Variants in TRIO observed in about 807,000 individuals in gnomAD.
TRIO encodes trio Rho guanine nucleotide exchange factor, also known as triple functional domain protein.
TRIO carries 58 observed loss-of-function variants against 351.9 expected under a neutral mutation model. The observed-to-expected ratio is 0.16, with a 90% confidence interval of 0.13 to 0.21. TRIO has a LOEUF of 0.21. Ranked by LOEUF, TRIO falls within the 10% of genes least tolerant of loss-of-function variation. TRIO has a pLI of 1.00. For missense variants in TRIO, 3,201 were observed against 4,027.8 expected (o/e 0.79, Z 5.56); for synonymous variants, 1,758 against 1,595.7 (o/e 1.10, Z -2.42).
intron 1 of TRIO, among the ~76,000 whole-genome samples, chr5:14,270,498 A>G (rs565439901): frequency 1.3e-5 from 2 of 152,366 alleles, no homozygotes; most frequent in South Asian, 2.1e-4. Context: ...ACATTAATCT[A>G]CATAAAAATT....
chr5:14,484,596 A>C (rs922143237), intron 46 of TRIO, among the ~76,000 whole-genome samples: 2 of 152,196 alleles, frequency 1.3e-5, no homozygotes, highest in Non-Finnish European at 1.5e-5. Context: ...AATGTGCTTT[A>C]ATTTTTTGTT....
At chr5:14,507,859 C>T in intron 56 of TRIO, 21 bp from the exon 57 acceptor site, 3 of 1,601,652 alleles carry the variant, frequency 1.9e-6, no homozygotes, top group Non-Finnish European at 1.7e-6. Flanking sequence ...CTGAAAATGA[C>T]AGTTGTATTC....
chr5:14,291,729 C>A (rs531710305), intron 5 of TRIO, among the ~76,000 whole-genome samples: 142 of 139,392 alleles, frequency 1.0e-3, no homozygotes, highest in African/African-American at 3.9e-3. Flanking sequence ...GCAGAGGTTG[C>A]AGTGAGCCAA....
chr5:14,339,439 T>G (rs1356188587), intron 11 of TRIO, among the ~76,000 whole-genome samples: 10 of 152,222 alleles, frequency 6.6e-5, no homozygotes, highest in Admixed American at 6.5e-4. Flanking sequence ...ATTTCTAGTA[T>G]GTATGAGTTT....
Position 14,193,796 on chromosome 5 carries a change from C to T in TRIO, c.157+49914C>T, listed in dbSNP as rs181867798. 2.6e-5 allele frequency among the ~76,000 whole-genome samples: 4 copies of T among 152,216 alleles called. No individual in the cohort carries two copies. In the East Asian group the frequency reaches 7.7e-4, roughly 29 times the overall value. On this transcript the variant is annotated intron_variant, in intron 1 of 56. Transcript: ENST00000344204. ...TTTACGCGAAACTGGAGAATAAGAC[C>T]TCACATACATTCTTATAGCCTCCAA... is the stretch of plus-strand genomic sequence containing the variant.
At position 14,461,217 on chromosome 5, in the gene TRIO, A is replaced by G. The variant is rs781211254; in HGVS notation, c.5402A>G (p.Lys1801Arg). 1.3e-6 allele frequency: 2 copies of G among 1,573,746 alleles called. No homozygotes were observed. Among genetic ancestry groups the G allele is most frequent in the Admixed American group, 1.8e-5 (1 of 54,228 alleles). The change falls in exon 35 of 57, where the codon AAG (lysine) becomes AGG (arginine). Residue 1801 changes from lysine to arginine, a missense_variant. Around this residue, in one of 19 missense-constraint regions of TRIO, gnomAD observed 193 missense variants for 218.8 expected, o/e 0.88. Coordinates refer to ENST00000344204, the MANE Select transcript of TRIO (RefSeq NM_007118.4). ...GHVKKLAHKH[K>R]KSREVRKSAD... Reference sequence around the variant, plus strand: ...GTGAAGAAGCTGGCGCACAAGCACAAGAAGAGCCGCGAGGTCCGCAAGAGC... The same window carrying G: ...GTGAAGAAGCTGGCGCACAAGCACAGGAAGAGCCGCGAGGTCCGCAAGAGC...
rs1288545285 is a variant in TRIO, at chr5:14,397,071, A to C, written c.4340A>C (p.Lys1447Thr). The C allele has an allele frequency of 2.5e-6, 4 of 1,608,816 alleles. No individual in the cohort carries two copies. The African/African-American group carries it at 5.3e-5, about 21-fold the overall frequency. The stretch of plus-strand genomic sequence containing the variant: ...CTGCTGACGTGCTGTGAGGAAGGAA[A>C]GGGAGAGATTAAAGATGGCCTGGAG... ...KELLTCCEEG[K>T]GEIKDGLEVM... The change falls in exon 29 of 57, where the codon AAG becomes ACG. Residue 1447 changes from lysine to threonine, a missense_variant. Physicochemically the swap from Lys to Thr is moderately conservative, Grantham distance 78. Coordinates refer to ENST00000344204, the MANE Select transcript of TRIO (RefSeq NM_007118.4).
intron 11 of TRIO, among the ~76,000 whole-genome samples, chr5:14,353,046 A>G (rs1743281712): frequency 1.3e-5 from 2 of 152,176 alleles, no homozygotes; most frequent in Non-Finnish European, 2.9e-5. Context: ...GAGTAAAAAG[A>G]TTTAAATGTG....
In TRIO at chr5:14,509,407, T is replaced by TG. The variant is rs1013395300; in HGVS notation, c.*988dup. On this transcript the variant is annotated 3_prime_UTR_variant, in exon 57 of 57. Transcript: ENST00000344204. ...GTGTGTGTTGGGGTTGGCGGGTGGG[T>TG]GGGTAGGGTCGTAGCCCTGTGCCAT... The TG allele has an allele frequency of 3.6e-5, 11 of 309,208 alleles. No homozygotes were observed. The highest frequency in any genetic ancestry group is 6.7e-5 in the Non-Finnish European group (11 of 163,038). 19.2% of individuals were successfully genotyped at this position (309,208 alleles called of 1,614,324 possible).
chr5:14,202,918 C>T (rs1414514187), intron 1 of TRIO, among the ~76,000 whole-genome samples: 1 of 151,824 alleles, frequency 6.6e-6, no homozygotes, highest in Admixed American at 6.6e-5. Context: ...AGGCCTAATA[C>T]ACCATTCTGG....
At position 14,509,935 on chromosome 5, in the gene TRIO, A is replaced by G. The variant is rs1378858768; in HGVS notation, c.*1513A>G. The G allele has an allele frequency of 6.6e-6, 1 of 152,184 alleles. No individual in the cohort carries two copies. Among genetic ancestry groups the G allele is most frequent in the Non-Finnish European group, 1.5e-5 (1 of 68,042 alleles). The allele number at this position is 152,184 out of a possible 1,614,324, so 9.4% of individuals were successfully genotyped here. ...AGCTTTGCAGCTTCCAGTGTATTTT[A>G]TTTATTCTTTTGTTGGGTTTTTGTT... On this transcript the variant is annotated 3_prime_UTR_variant, in exon 57 of 57. Coordinates refer to ENST00000344204, the MANE Select transcript of TRIO (RefSeq NM_007118.4).
chr5:14,226,625 A>C (rs75667522), intron 1 of TRIO, among the ~76,000 whole-genome samples: 1 of 152,258 alleles, frequency 6.6e-6, no homozygotes, highest in African/African-American at 2.4e-5. Flanking sequence ...AAGAGGCTGT[A>C]AGACATGGAA....
intron 1 of TRIO, among the ~76,000 whole-genome samples, chr5:14,240,129 A>T (rs1281245381): frequency 6.6e-6 from 1 of 152,228 alleles, no homozygotes; most frequent in Non-Finnish European, 1.5e-5. Flanking sequence ...AAGTTTTCAA[A>T]TAGTAATAAA....
rs1448154597 is a variant in TRIO, at chr5:14,143,537, C to T, written c.-189C>T. Among the ~76,000 whole-genome samples, 2 of 147,380 alleles carry T rather than the reference C, an allele frequency of 1.4e-5. No homozygotes were observed. The highest frequency in any genetic ancestry group is 2.4e-5 in the African/African-American group (1 of 41,012). ...GCTCGCGGCTACCGGGCGGAGTCCT[C>T]GTCTATGTGGGCGCGCTCCTTGGGC... is the stretch of plus-strand genomic sequence containing the variant. On this transcript the variant is annotated 5_prime_UTR_variant, in exon 1 of 57. Coordinates refer to ENST00000344204, the MANE Select transcript of TRIO (RefSeq NM_007118.4).
At chr5:14,461,863 C>G (rs1295884532) in intron 35 of TRIO, among the ~76,000 whole-genome samples, 2 of 152,148 alleles carry the variant, frequency 1.3e-5, no homozygotes, top group Non-Finnish European at 2.9e-5. Context: ...CTTTGTTGAC[C>G]CAGTAGTAAA....
intron 1 of TRIO, among the ~76,000 whole-genome samples, chr5:14,219,738 G>A (rs1440866173): frequency 6.6e-6 from 1 of 152,152 alleles, no homozygotes; most frequent in Non-Finnish European, 1.5e-5. Flanking sequence ...ATAGGGTTCA[G>A]GGTTCACTTT....
intron 34 of TRIO, among the ~76,000 whole-genome samples, chr5:14,455,632 G>A (rs1753231063): frequency 6.6e-6 from 1 of 152,106 alleles, no homozygotes; most frequent in African/African-American, 2.4e-5. Context: ...ACAGAGTGCT[G>A]ATTGGTGTAT....
chr5:14,261,257 G>A (rs1795326397), intron 1 of TRIO, among the ~76,000 whole-genome samples: 1 of 152,216 alleles, frequency 6.6e-6, no homozygotes, highest in Non-Finnish European at 1.5e-5. Flanking sequence ...TATAGTGTTT[G>A]TTGTGTACCC....
At position 14,398,900 on chromosome 5, in the gene TRIO, T is replaced by A. The variant is rs1747840364; in HGVS notation, c.4444T>A (p.Ser1482Thr). 1 of 1,613,984 alleles carries A rather than the reference T, an allele frequency of 6.2e-7. No homozygotes were observed. The highest frequency in any genetic ancestry group is 8.5e-7 in the Non-Finnish European group (1 of 1,179,970). The change falls in exon 30 of 57, where the codon TCT (serine) becomes ACT (threonine). Residue 1482 changes from serine to threonine, a missense_variant. Around this residue, in one of 19 missense-constraint regions of TRIO, gnomAD observed 115 missense variants for 239.6 expected, o/e 0.48. Transcript: ENST00000344204. Reference sequence around the variant, plus strand: ...TGTAGGGTTTGATGAAAACATTGAGTCTCAGGGAGAACTCATCCTACAGGA... The same window carrying A: ...TGTAGGGTTTGATGAAAACATTGAGACTCAGGGAGAACTCATCCTACAGGA... ...MLEGFDENIE[S>T]QGELILQESF...
Sources: allele counts gnomAD v4.1 joint callset (sites outside exome capture counted in the v4.1 genomes callset), GRCh38; gene constraint gnomAD v4.1.1; regional missense constraint gnomAD v4.1.1; transcripts MANE v1.5; gene names NCBI Gene and HGNC (gene_info 2026-07-23, HGNC 2026-07-21).